ALG9: variants seen among roughly 807,000 people sequenced by gnomAD.
ALG9 encodes alpha-1,2-mannosyltransferase ALG9.
Under a neutral mutation model 81.8 loss-of-function variants are expected in ALG9, and 55 were observed. The ratio of observed to expected loss-of-function variants is 0.67; its 90% CI spans 0.54 to 0.84. The LOEUF (loss-of-function observed/expected upper bound fraction) is 0.84, where lower values mean the gene tolerates loss of function less well. Among genes scored for constraint, ALG9 ranks in the 40% least tolerant of loss-of-function variants. ALG9 has a pLI of 0.00. For missense variants in ALG9, 629 were observed against 745.0 expected (o/e 0.84, Z 1.81); for synonymous variants, 278 against 274.3 (o/e 1.01, Z -0.13).
At chr11:111,819,811 T>C (rs1952039805) in intron 13 of ALG9, among the ~76,000 whole-genome samples, 1 of 152,224 alleles carries the variant, frequency 6.6e-6, no homozygotes, top group Non-Finnish European at 1.5e-5. Context: ...ACTGAATCTG[T>C]CTTTATAAGC....
chr11:111,790,391 TG>T (rs782400166), intron 14 of ALG9, among the ~76,000 whole-genome samples: 6 of 152,126 alleles, frequency 3.9e-5, no homozygotes, highest in Admixed American at 6.5e-5. Flanking sequence ...CCTGTAATCC[TG>T]GGTACATGAA....
intron 4 of ALG9, 79 bp from the exon 5 acceptor site, chr11:111,860,714 A>C: frequency 1.9e-6 from 2 of 1,043,472 alleles, no homozygotes; most frequent in Non-Finnish European, 2.9e-6. Context: ...AACACGTACC[A>C]CAGATAACAC....
At chr11:111,855,128 G>A (rs1555142262) in intron 6 of ALG9, among the ~76,000 whole-genome samples, 2 of 152,192 alleles carry the variant, frequency 1.3e-5, no homozygotes, top group African/African-American at 4.8e-5. Flanking sequence ...GGCAGGGGTT[G>A]GCAAACTTTT....
At position 111,786,253 on chromosome 11, in the gene ALG9, T is replaced by C. The variant is rs186101233; in HGVS notation, c.*144A>G. 39 of 1,303,626 alleles carry C rather than the reference T, an allele frequency of 3.0e-5. No individual in the cohort carries two copies. In the East Asian group the frequency reaches 7.6e-4, roughly 25 times the overall value. 80.8% of individuals were successfully genotyped at this position (1,303,626 alleles called of 1,614,324 possible). On this transcript the variant is annotated 3_prime_UTR_variant, in exon 15 of 15. Transcript: ENST00000616540. ...CTTTGATTAGACTTTGAAATAGACTTTGACTAGCCCAGAGCACCCAGATTC... is the reference window on the plus strand; with the variant it reads ...CTTTGATTAGACTTTGAAATAGACTCTGACTAGCCCAGAGCACCCAGATTC...
chr11:111,830,706 T>C (rs1444935638), intron 13 of ALG9, among the ~76,000 whole-genome samples: 1 of 151,822 alleles, frequency 6.6e-6, no homozygotes, highest in African/African-American at 2.4e-5. Flanking sequence ...CAATAAGGAC[T>C]TCCAAAAAGG....
At chr11:111,863,481 A>C (rs1961090411) in intron 4 of ALG9, among the ~76,000 whole-genome samples, 1 of 152,144 alleles carries the variant, frequency 6.6e-6, no homozygotes, top group African/African-American at 2.4e-5. Context: ...ACAATCCTCA[A>C]AGGCAGCACT....
At chr11:111,818,733 C>G (rs1249105675) in intron 13 of ALG9, among the ~76,000 whole-genome samples, 1 of 152,142 alleles carries the variant, frequency 6.6e-6, no homozygotes, top group Non-Finnish European at 1.5e-5. Context: ...GGGGCTGTGT[C>G]TATCTCATTC....
rs969084066 is a variant in ALG9, at chr11:111,784,113, A to C, written c.*2284T>G. 6.6e-6 allele frequency: 1 copy of C among 152,244 alleles called. No individual in the cohort carries two copies. Among genetic ancestry groups the C allele is most frequent in the Non-Finnish European group, 1.5e-5 (1 of 68,038 alleles). The allele number at this position is 152,244 out of a possible 1,614,324, so 9.4% of individuals were successfully genotyped here. A position where few individuals can be genotyped will look rare whatever the true frequency, so the allele number is the denominator to read the frequency against. ...GCAAGTAAGGCAAATGTTTCACTTA[A>C]AATTCTCTGTCCTGTAGTCAGATCA... On this transcript the variant is annotated 3_prime_UTR_variant, in exon 15 of 15. Transcript: ENST00000616540.
intron 13 of ALG9, among the ~76,000 whole-genome samples, chr11:111,827,719 T>C (rs1335192345): frequency 6.8e-6 from 1 of 147,854 alleles, no homozygotes; most frequent in Non-Finnish European, 1.5e-5. Context: ...ATACAAAAAA[T>C]TAGCCAGGCA....
chr11:111,835,574 T>C (rs1555116699), intron 13 of ALG9, among the ~76,000 whole-genome samples: 1 of 152,204 alleles, frequency 6.6e-6, no homozygotes, highest in East Asian at 1.9e-4. Flanking sequence ...GGCCAAGGAA[T>C]GATATGAGTT....
chr11:111,809,919 C>T, intron 13 of ALG9, 146 bp from the exon 14 acceptor site: 5 of 912,574 alleles, frequency 5.5e-6, no homozygotes, highest in Non-Finnish European at 8.7e-6. Flanking sequence ...GCTCTCTCCA[C>T]TCAGATAAGA....
chr11:111,802,745 A>G (rs782821071), intron 14 of ALG9, among the ~76,000 whole-genome samples: 1 of 152,202 alleles, frequency 6.6e-6, no homozygotes, highest in Non-Finnish European at 1.5e-5. Flanking sequence ...ACAAAAGTGA[A>G]GAAGAGAAAA....
rs782271550 is a variant in ALG9, at chr11:111,868,755, T to C, written c.271-19A>G. ...AGTGTGTCTAAAAATACAAAACAGA[T>C]AGATTCAGGGTTATACTGGCCAAAA... On this transcript the variant is annotated intron_variant, in intron 2 of 14. Transcript: ENST00000616540. The C allele has an allele frequency of 9.4e-6, 15 of 1,596,248 alleles. No homozygotes were observed. The highest frequency in any genetic ancestry group is 3.4e-5 in the Admixed American group (2 of 58,302).
chr11:111,868,456 C>T (rs1963203391), intron 3 of ALG9, 146 bp downstream of exon 3: 12 of 1,036,558 alleles, frequency 1.2e-5, no homozygotes, highest in Non-Finnish European at 1.4e-5. Flanking sequence ...TTCATTAATG[C>T]TTGTTGAATG....
At chr11:111,773,214 G>C in the ALG9 span, among the ~76,000 whole-genome samples, 1 of 152,104 alleles carries the variant, frequency 6.6e-6, no homozygotes, top group Non-Finnish European at 1.5e-5. Context: ...ACAGCAGTCA[G>C]GATTAGTATC....
intron 14 of ALG9, among the ~76,000 whole-genome samples, chr11:111,803,131 T>C (rs1458367755): frequency 1.3e-5 from 2 of 152,208 alleles, no homozygotes; most frequent in Admixed American, 1.3e-4. Context: ...GCAAGTTATT[T>C]TGTGGATGTT....
chr11:111,842,257 C>T (rs1216634511), intron 9 of ALG9, among the ~76,000 whole-genome samples: 1 of 152,000 alleles, frequency 6.6e-6, no homozygotes, highest in African/African-American at 2.4e-5. Flanking sequence ...AGTAAACAGT[C>T]CTTTTCTCTT....
the ALG9 span, among the ~76,000 whole-genome samples, chr11:111,774,950 T>C: frequency 1.3e-5 from 2 of 152,082 alleles, no homozygotes; most frequent in African/African-American, 2.4e-5. Flanking sequence ...ACCATGTCGT[T>C]TTTTAAAAGA....
In ALG9 at chr11:111,782,325, C is replaced by T. The variant is rs1230589840; in HGVS notation, c.*4072G>A. 2 of 152,456 alleles carry T rather than the reference C, an allele frequency of 1.3e-5. No individual in the cohort carries two copies. The highest frequency in any genetic ancestry group is 6.5e-5 in the Admixed American group (1 of 15,280). The allele number at this position is 152,456 out of a possible 1,614,324, so 9.4% of individuals were successfully genotyped here. A position where few individuals can be genotyped will look rare whatever the true frequency, so the allele number is the denominator to read the frequency against. On this transcript the variant is annotated 3_prime_UTR_variant, in exon 15 of 15. Coordinates refer to ENST00000616540, the MANE Select transcript of ALG9 (RefSeq NM_024740.2). ...ATTGGACAATACTCTTGCTTTAACA[C>T]TTTACTGCTTCCTGATTTCATTTGC...
Sources: gnomAD v4.1 joint callset for allele counts (sites outside exome capture counted in the v4.1 genomes callset) on GRCh38, gnomAD v4.1.1 for gene constraint, MANE v1.5 for transcripts, NCBI Gene and HGNC (gene_info 2026-07-23, HGNC 2026-07-21) for gene names.